Variants in SYN2 observed in about 807,000 individuals in gnomAD.
The protein encoded by SYN2 is synapsin II.
Under a neutral mutation model 50.9 loss-of-function variants are expected in SYN2, and 19 were observed. The ratio of observed to expected loss-of-function variants is 0.37; its 90% CI spans 0.26 to 0.55. The LOEUF (loss-of-function observed/expected upper bound fraction) is 0.55. Ranked by LOEUF, SYN2 falls within the 20% of genes least tolerant of loss-of-function variation. The pLI, the probability that SYN2 is intolerant of heterozygous loss-of-function variation, is 0.81. For synonymous variants in SYN2, 255 were observed against 224.9 expected, an observed-to-expected ratio of 1.13 and a Z score of -1.20; for missense variants, 587 against 576.4, an observed-to-expected ratio of 1.02 and a Z score of -0.19.
chr3:12,157,554 A>T, intron 5 of SYN2: 2 of 1,473,964 alleles, frequency 1.4e-6, no homozygotes, highest in South Asian at 2.3e-5. Flanking sequence ...TGGATGATCC[A>T]GGGTCCATGA....
intron 1 of SYN2, among the ~76,000 whole-genome samples, chr3:12,072,104 C>T (rs1460034913): frequency 6.6e-6 from 1 of 151,982 alleles, no homozygotes; most frequent in Non-Finnish European, 1.5e-5. Flanking sequence ...AAACAAAAAC[C>T]TTTTTATGTG....
intron 1 of SYN2, among the ~76,000 whole-genome samples, chr3:12,005,600 T>C (rs1174526189): frequency 6.7e-6 from 1 of 149,920 alleles, no homozygotes; most frequent in African/African-American, 2.5e-5. Flanking sequence ...TTTTGATTGC[T>C]TGTTTTTCTG....
chr3:12,067,576 A>T (rs307589), intron 1 of SYN2, among the ~76,000 whole-genome samples: 1 of 150,592 alleles, frequency 6.6e-6, no homozygotes, highest in African/African-American at 2.4e-5. Context: ...AATCATTTTC[A>T]TCTGCATATT....
intron 1 of SYN2, among the ~76,000 whole-genome samples, chr3:12,130,131 AGTGTGT>A (rs144774071): frequency 2.0e-5 from 3 of 150,466 alleles, no homozygotes; most frequent in South Asian, 2.1e-4. Context: ...TAGCAGCCCA[AGTGTGT>A]GTGTGTGTGT....
chr3:12,159,020 C>T (rs903215596), intron 5 of SYN2: 45 of 830,234 alleles, frequency 5.4e-5, no homozygotes, highest in Middle Eastern at 3.7e-4. Context: ...AGGCAGGACC[C>T]GAGGCTCTTC....
intron 1 of SYN2, among the ~76,000 whole-genome samples, chr3:12,027,151 C>T (rs1300086856): frequency 6.6e-6 from 1 of 152,174 alleles, no homozygotes; most frequent in Non-Finnish European, 1.5e-5. Flanking sequence ...AATTTTGCCT[C>T]CTGTGTGAAA....
chr3:12,161,220 ATACT>A (rs1697640044), intron 5 of SYN2, among the ~76,000 whole-genome samples: 1 of 152,198 alleles, frequency 6.6e-6, no homozygotes, highest in South Asian at 2.1e-4. Flanking sequence ...TCTTTCAGAG[ATACT>A]TTCTTTTTTT....
In SYN2 at chr3:12,190,895, C is replaced by T. The variant is rs146037511; in HGVS notation, c.*270C>T. The T allele has an allele frequency of 4.2e-5, 50 of 1,197,488 alleles. No homozygotes were observed. The highest frequency in any genetic ancestry group is 5.0e-5 in the Non-Finnish European group (48 of 964,202). The allele number at this position is 1,197,488 out of a possible 1,614,324, so 74.2% of individuals were successfully genotyped here. On this transcript the variant is annotated 3_prime_UTR_variant, in exon 13 of 13. Coordinates refer to ENST00000621198, the MANE Select transcript of SYN2 (RefSeq NM_133625.6). ...AGAGCTTCCTTCTGAAGTCATCGTT[C>T]GCTGTGAGTTTAGTGGCCTTATTGT... is the stretch of plus-strand genomic sequence containing the variant.
rs1382867223 is a variant in SYN2 at position 12,117,421 on chromosome 3, A to G, written c.378-23230A>G. On this transcript the variant is annotated intron_variant, in intron 1 of 12. Coordinates refer to ENST00000621198, the MANE Select transcript of SYN2 (RefSeq NM_133625.6). ...CAGATTTAGTCCCTAATTGTACCTT[A>G]CCAATGTACAATCCTTAGAAGAAAT... Among the ~76,000 whole-genome samples the G allele has an allele frequency of 2.6e-5, 4 of 152,228 alleles. No homozygotes were observed. The East Asian group carries it at 5.8e-4, about 22-fold the overall frequency.
chr3:12,005,015 A>G (rs1449102637), intron 1 of SYN2, 87 bp downstream of exon 1: 2 of 398,262 alleles, frequency 5.0e-6, no homozygotes, highest in African/African-American at 4.2e-5. Context: ...CGCCGAGGAA[A>G]CGTTTCAGAC....
At chr3:12,097,620 AAAG>A (rs1479259064) in intron 1 of SYN2, among the ~76,000 whole-genome samples, 1 of 152,014 alleles carries the variant, frequency 6.6e-6, no homozygotes, top group African/African-American at 2.4e-5. Flanking sequence ...AAAAAAAAAA[AAAG>A]AAAGAAAAAA....
chr3:12,008,013 A>C (rs140533235), intron 1 of SYN2, among the ~76,000 whole-genome samples: 642 of 152,332 alleles, frequency 4.2e-3, no homozygotes, highest in Non-Finnish European at 6.8e-3. Context: ...GTATTTTGTA[A>C]ATATTGTCAG....
At chr3:12,063,194 A>G (rs970824462) in intron 1 of SYN2, among the ~76,000 whole-genome samples, 1 of 152,058 alleles carries the variant, frequency 6.6e-6, no homozygotes, top group Non-Finnish European at 1.5e-5. Context: ...ATGGAATTCA[A>G]CAACACAAAA....
At chr3:12,025,334 A>G (rs750011739) in intron 1 of SYN2, among the ~76,000 whole-genome samples, 4 of 152,330 alleles carry the variant, frequency 2.6e-5, no homozygotes, top group Middle Eastern at 6.8e-3. Context: ...TTTAAATTTC[A>G]AAGGCTTTTA....
chr3:12,070,535 G>GC, intron 1 of SYN2: 1 of 936,766 alleles, frequency 1.1e-6, no homozygotes, highest in Admixed American at 1.8e-5. Context: ...CCCCGGAGGA[G>GC]CACCTGGTGC....
intron 1 of SYN2, among the ~76,000 whole-genome samples, chr3:12,109,998 G>A (rs924265972): frequency 2.0e-5 from 3 of 152,026 alleles, no homozygotes; most frequent in Non-Finnish European, 4.4e-5. Context: ...GACCAACCTA[G>A]GCAACATAGC....
chr3:12,179,565 T>C (rs574200078), intron 10 of SYN2, among the ~76,000 whole-genome samples: 32 of 152,214 alleles, frequency 2.1e-4, no homozygotes, highest in South Asian at 8.3e-4. Flanking sequence ...TTCAGATTTA[T>C]ATTTGACTAA....
intron 10 of SYN2, among the ~76,000 whole-genome samples, chr3:12,177,515 G>T (rs569909487): frequency 6.6e-6 from 1 of 152,274 alleles, no homozygotes; most frequent in South Asian, 2.1e-4. Flanking sequence ...GGGCTGTCCA[G>T]TTAGGGAGGG....
intron 1 of SYN2, among the ~76,000 whole-genome samples, chr3:12,127,029 A>C (rs910187380): frequency 6.6e-6 from 1 of 152,188 alleles, no homozygotes; most frequent in Admixed American, 6.5e-5. Flanking sequence ...TGCATGAGTA[A>C]ATTAATTAGA....
Sources: allele counts gnomAD v4.1 joint callset (sites outside exome capture counted in the v4.1 genomes callset), GRCh38; gene constraint gnomAD v4.1.1; transcripts MANE v1.5; gene names NCBI Gene and HGNC (gene_info 2026-07-23, HGNC 2026-07-21).